Variants in RAPGEF2 observed in about 807,000 individuals in gnomAD.
RAPGEF2 encodes the protein Rap guanine nucleotide exchange factor 2.
RAPGEF2 carries 54 observed loss-of-function variants against 186.7 expected under a neutral mutation model. That is an observed-to-expected ratio of 0.29 (90% CI 0.23 to 0.36). The LOEUF (loss-of-function observed/expected upper bound fraction) is 0.36. Among genes scored for constraint, RAPGEF2 ranks in the 10% least tolerant of loss-of-function variants. The pLI is 1.00. For synonymous variants in RAPGEF2, 712 were observed against 705.9 expected, an observed-to-expected ratio of 1.01 and a Z score of -0.14; for missense variants, 1,532 against 2,045.0, an observed-to-expected ratio of 0.75 and a Z score of 4.84.
intron 7 of RAPGEF2, among the ~76,000 whole-genome samples, chr4:159,297,903 G>T (rs1488410804): frequency 6.6e-6 from 1 of 152,182 alleles, no homozygotes; most frequent in East Asian, 1.9e-4. Flanking sequence ...AGAAACTGAG[G>T]TACACAGAAG....
At chr4:159,262,642 G>T (rs546380379) in intron 7 of RAPGEF2, among the ~76,000 whole-genome samples, 2 of 152,142 alleles carry the variant, frequency 1.3e-5, no homozygotes, top group Admixed American at 6.5e-5. Flanking sequence ...GGACTTACAG[G>T]CTTCTTTGTT....
intron 1 of RAPGEF2, among the ~76,000 whole-genome samples, chr4:159,169,486 T>C (rs968512503): frequency 2.0e-5 from 3 of 152,138 alleles, no homozygotes; most frequent in African/African-American, 7.2e-5. Flanking sequence ...GAATACAATA[T>C]ATTGTTGTTA....
At chr4:159,267,778 T>G in intron 7 of RAPGEF2, 1 of 1,012,906 alleles carries the variant, frequency 9.9e-7, no homozygotes, top group East Asian at 9.9e-5. Flanking sequence ...CAGTCAGCCA[T>G]TTTAGCTTTT....
chr4:159,245,984 C>T (rs533754913), intron 7 of RAPGEF2, among the ~76,000 whole-genome samples: 3 of 152,190 alleles, frequency 2.0e-5, no homozygotes, highest in African/African-American at 4.8e-5. Flanking sequence ...CTCCTACTTA[C>T]CCAAAAATAT....
At chr4:159,182,598 C>A (rs1466203927) in intron 1 of RAPGEF2, among the ~76,000 whole-genome samples, 1 of 151,858 alleles carries the variant, frequency 6.6e-6, no homozygotes, top group Non-Finnish European at 1.5e-5. Flanking sequence ...GTTTCACCAT[C>A]TTGGCCAGGC....
chr4:159,121,756 C>G (rs1208142525), intron 1 of RAPGEF2, among the ~76,000 whole-genome samples: 1 of 151,742 alleles, frequency 6.6e-6, no homozygotes, highest in African/African-American at 2.4e-5. Context: ...TGGAGCCGGG[C>G]TCGGTGGCTC....
intron 7 of RAPGEF2, among the ~76,000 whole-genome samples, chr4:159,284,587 T>G (rs1056937681): frequency 6.6e-6 from 1 of 151,950 alleles, no homozygotes; most frequent in African/African-American, 2.4e-5. Flanking sequence ...GCCTGACTCC[T>G]CTGGATTTCA....
chr4:159,131,097 T>TGAGA (rs10596468), intron 1 of RAPGEF2, among the ~76,000 whole-genome samples: 1 of 148,216 alleles, frequency 6.7e-6, no homozygotes, highest in African/African-American at 2.5e-5. Context: ...TGTGTGTGTG[T>TGAGA]GAGAGAGAGA....
intron 28 of RAPGEF2, among the ~76,000 whole-genome samples, chr4:159,355,172 A>G (rs13115272): frequency 0.34 from 52,292 of 152,104 alleles, 10,480 homozygotes; most frequent in Non-Finnish European, 0.47. Context: ...TAAAAGTTCA[A>G]GAAAATGAAA....
intron 1 of RAPGEF2, among the ~76,000 whole-genome samples, chr4:159,110,479 GAGAC>G (rs763380531): frequency 1.2e-3 from 184 of 152,272 alleles, no homozygotes; most frequent in Non-Finnish European, 1.9e-3. Flanking sequence ...CGGGGAGACT[GAGAC>G]AGGAGAATCA....
rs114048704 is a variant in RAPGEF2, at chr4:159,189,895, T to C, written c.140+3183T>C. On this transcript the variant is annotated intron_variant, in intron 2 of 29. Transcript: ENST00000691494. ...TGATGTAGGCTCTGGAGATACTGCA[T>C]TGAAGTAAATCAAACCCCTGACATC... Among the ~76,000 whole-genome samples, 438 of 152,344 alleles carry C rather than the reference T, an allele frequency of 2.9e-3. 3 individuals carry two copies. The highest frequency in any genetic ancestry group is 9.3e-3 in the African/African-American group (386 of 41,578).
At chr4:159,303,925 C>T (rs1307105630) in intron 7 of RAPGEF2, among the ~76,000 whole-genome samples, 1 of 152,068 alleles carries the variant, frequency 6.6e-6, no homozygotes, top group African/African-American at 2.4e-5. Context: ...AACCTTTAAA[C>T]ATTATTTGGG....
At chr4:159,355,812 A>G (rs1377599126) in intron 28 of RAPGEF2, 41 bp from the exon 29 acceptor site, 1 of 1,480,162 alleles carries the variant, frequency 6.8e-7, no homozygotes, top group South Asian at 1.3e-5. Context: ...CTTTTGTGGC[A>G]TGAACTAGTT....
intron 1 of RAPGEF2, among the ~76,000 whole-genome samples, chr4:159,128,043 G>GTATA (rs1740558946): frequency 1.3e-5 from 2 of 152,080 alleles, no homozygotes; most frequent in Non-Finnish European, 1.5e-5. Flanking sequence ...ATTTAGGTAT[G>GTATA]TATATATATG....
intron 25 of RAPGEF2, among the ~76,000 whole-genome samples, chr4:159,349,428 T>C (rs1730855368): frequency 6.6e-6 from 1 of 152,194 alleles, no homozygotes; most frequent in Non-Finnish European, 1.5e-5. Flanking sequence ...AGGAGGGAAA[T>C]CATCTTACAT....
chr4:159,307,848 A>G (rs555839193), intron 8 of RAPGEF2, among the ~76,000 whole-genome samples: 3 of 152,002 alleles, frequency 2.0e-5, no homozygotes, highest in South Asian at 2.1e-4. Flanking sequence ...GTGCATGCCT[A>G]TAGTCCCAGC....
chr4:159,307,583 G>A (rs1763458384), intron 8 of RAPGEF2, among the ~76,000 whole-genome samples: 1 of 152,168 alleles, frequency 6.6e-6, no homozygotes, highest in African/African-American at 2.4e-5. Flanking sequence ...AATCTATAGT[G>A]AGAATACAGC....
chr4:159,151,715 G>A (rs973381587), intron 1 of RAPGEF2, among the ~76,000 whole-genome samples: 6 of 152,128 alleles, frequency 3.9e-5, no homozygotes, highest in Non-Finnish European at 1.5e-5. Context: ...GTATGTAAAG[G>A]CCAGTATCAG....
chr4:159,251,909 CG>C (rs566130449), intron 7 of RAPGEF2, among the ~76,000 whole-genome samples: 205 of 152,030 alleles, frequency 1.3e-3, no homozygotes, highest in African/African-American at 4.7e-3. Context: ...CTGCGGCTCA[CG>C]CTTTGGGTCT....
Sources: allele counts gnomAD v4.1 joint callset (sites outside exome capture counted in the v4.1 genomes callset), GRCh38; gene constraint gnomAD v4.1.1; transcripts MANE v1.5; gene names NCBI Gene and HGNC (gene_info 2026-07-23, HGNC 2026-07-21).